Variants in RASSF6 observed in about 807,000 individuals in gnomAD.
The protein encoded by RASSF6 is ras association domain-containing protein 6.
Under a neutral mutation model 44.0 loss-of-function variants are expected in RASSF6, and 52 were observed. The observed-to-expected ratio is 1.18, with a 90% confidence interval of 0.95 to 1.49. The LOEUF is 1.49. Ranked by LOEUF, RASSF6 falls within the 40% of genes most tolerant of loss-of-function variation. The pLI, the probability that RASSF6 is intolerant of heterozygous loss-of-function variation, is 0.00. For missense variants in RASSF6, 464 were observed against 393.3 expected (o/e 1.18, Z -1.52); for synonymous variants, 162 against 124.6 (o/e 1.30, Z -2.00).
Position 73,615,812 on chromosome 4 carries a change from G to T in RASSF6, c.-34-3983C>A, listed in dbSNP as rs1338455183. ...GAGGAGGCAGTGTTGGGCAGCATTA[G>T]CGTTCCAGCAATGCTGGAACGTGGT... On this transcript the variant is annotated intron_variant, in intron 1 of 10. Transcript: ENST00000307439. The T allele has an allele frequency of 3.4e-6, 4 of 1,162,502 alleles. No individual in the cohort carries two copies. The East Asian group carries it at 7.7e-5, about 22-fold the overall frequency. The allele number at this position is 1,162,502 out of a possible 1,614,324, so 72.0% of individuals were successfully genotyped here.
At position 73,587,940 on chromosome 4, in the gene RASSF6, A is replaced by T. The variant is rs371276898; in HGVS notation, c.288-6T>A. 1.0e-5 allele frequency: 16 copies of T among 1,579,430 alleles called. No individual in the cohort carries two copies. The highest frequency in any genetic ancestry group is 1.4e-5 in the Non-Finnish European group (16 of 1,150,682). On this transcript the variant is annotated splice_region_variant and splice_polypyrimidine_tract_variant and intron_variant, in intron 4 of 10. Transcript: ENST00000307439. Reference sequence around the variant, plus strand: ...ATTCCCCCCAGCGTGTCATTCTGAGAAGTAATAAATCTTGTAAGTACATCA... The same window carrying T: ...ATTCCCCCCAGCGTGTCATTCTGAGTAGTAATAAATCTTGTAAGTACATCA...
At chr4:73,607,890 C>A (rs1307864409) in intron 2 of RASSF6, among the ~76,000 whole-genome samples, 64 of 125,992 alleles carry the variant, frequency 5.1e-4, no homozygotes, top group African/African-American at 1.9e-3. Flanking sequence ...TCTCCTCCAA[C>A]CCCTCCCCTC....
At chr4:73,588,874 G>A (rs1348372187) in intron 4 of RASSF6, among the ~76,000 whole-genome samples, 1 of 151,724 alleles carries the variant, frequency 6.6e-6, no homozygotes, top group African/African-American at 2.4e-5. Flanking sequence ...AGGGACCCAA[G>A]GTGTTCCTGG....
intron 8 of RASSF6, among the ~76,000 whole-genome samples, chr4:73,579,259 T>A (rs1242538464): frequency 1.3e-5 from 2 of 152,194 alleles, no homozygotes; most frequent in Admixed American, 1.3e-4. Flanking sequence ...TACACATAAA[T>A]CTGTAGGCAC....
chr4:73,592,287 C>T (rs970132370), intron 4 of RASSF6, among the ~76,000 whole-genome samples: 1 of 152,032 alleles, frequency 6.6e-6, no homozygotes, highest in Non-Finnish European at 1.5e-5. Flanking sequence ...ATTAATTTTC[C>T]CTAGTTGTGG....
intron 4 of RASSF6, among the ~76,000 whole-genome samples, chr4:73,590,802 T>A (rs929912597): frequency 7.9e-5 from 12 of 152,250 alleles, no homozygotes; most frequent in Non-Finnish European, 1.6e-4. Flanking sequence ...ACAGTTAATC[T>A]TGTTACTGGA....
At chr4:73,620,454 G>C (rs1287782820), upstream of RASSF6, 1 of 1,547,378 alleles carries the variant, frequency 6.5e-7, no homozygotes, top group Non-Finnish European at 8.7e-7. Context: ...GGGGAGGTCC[G>C]AGGCCCGCGC....
upstream of RASSF6, chr4:73,620,546 T>C: frequency 2.9e-6 from 4 of 1,376,100 alleles, no homozygotes; most frequent in Non-Finnish European, 3.9e-6. Context: ...TCAGCGATCC[T>C]GGAGCCCCAG....
At chr4:73,593,160 C>T (rs1724688956) in intron 4 of RASSF6, among the ~76,000 whole-genome samples, 1 of 151,888 alleles carries the variant, frequency 6.6e-6, no homozygotes, top group Non-Finnish European at 1.5e-5. Flanking sequence ...GGATTACAGG[C>T]GGCTGCCACC....
chr4:73,611,812 A>G lies in RASSF6; in HGVS notation c.-17T>C, dbSNP rs72863093. On this transcript the variant is annotated 5_prime_UTR_variant, in exon 2 of 11. Transcript: ENST00000307439. Reference sequence around the variant, plus strand: ...CATAGTCATCTTTTCCTCCTTTTTGAGATGGTCTGAGGATATCCTAAACAT... The same window carrying G: ...CATAGTCATCTTTTCCTCCTTTTTGGGATGGTCTGAGGATATCCTAAACAT... 10,070 of 1,605,020 alleles carry G rather than the reference A, an allele frequency of 6.3e-3. 194 individuals are homozygous for G. Among genetic ancestry groups the G allele is most frequent in the South Asian group, 0.043 (3,935 of 90,792 alleles).
chr4:73,614,045 C>CT (rs1304435532), intron 1 of RASSF6, among the ~76,000 whole-genome samples: 2 of 152,344 alleles, frequency 1.3e-5, no homozygotes, highest in East Asian at 3.9e-4. Flanking sequence ...CTCCCATGCT[C>CT]TAAAATTTCC....
chr4:73,618,685 C>T (rs1184550597), intron 1 of RASSF6, among the ~76,000 whole-genome samples: 2 of 152,102 alleles, frequency 1.3e-5, no homozygotes, highest in African/African-American at 2.4e-5. Flanking sequence ...ATTCTATCCA[C>T]AATTCTCCAG....
intron 4 of RASSF6, among the ~76,000 whole-genome samples, chr4:73,588,256 A>T (rs189998153): frequency 6.6e-6 from 1 of 152,108 alleles, no homozygotes; most frequent in Admixed American, 6.6e-5. Flanking sequence ...ATCAATTGTT[A>T]TAAAGATATT....
chr4:73,587,839 C>T lies in RASSF6; in HGVS notation c.382+1G>A, dbSNP rs771739576. On this transcript the variant is annotated splice_donor_variant, in intron 5 of 10. Transcript: ENST00000307439. LOFTEE classifies it high-confidence loss of function. ...CCAATCAATAAGATTTTGATACTGA[C>T]CTTCCTGGGAATTCCTTTTTTCAGA... 6.3e-7 allele frequency: 1 copy of T among 1,593,844 alleles called. No homozygotes were observed. The highest frequency in any genetic ancestry group is 1.1e-5 in the South Asian group (1 of 90,304).
intron 1 of RASSF6, among the ~76,000 whole-genome samples, chr4:73,613,482 C>G (rs907278933): frequency 6.6e-6 from 1 of 152,108 alleles, no homozygotes; most frequent in Non-Finnish European, 1.5e-5. Flanking sequence ...TAATAACCCA[C>G]CAAAAGGGTT....
intron 2 of RASSF6, among the ~76,000 whole-genome samples, chr4:73,605,412 A>G (rs954121303): frequency 2.6e-5 from 4 of 152,186 alleles, no homozygotes; most frequent in East Asian, 3.8e-4. Context: ...AACCCATTTT[A>G]TCCTTTATTC....
intron 3 of RASSF6, among the ~76,000 whole-genome samples, chr4:73,593,865 T>C (rs1724749378): frequency 6.6e-6 from 1 of 152,252 alleles, no homozygotes; most frequent in Non-Finnish European, 1.5e-5. Context: ...AAATGCTTTC[T>C]GAACTCTGAT....
At chr4:73,587,819 C>G in intron 5 of RASSF6, 21 bp downstream of exon 5, 1 of 1,505,602 alleles carries the variant, frequency 6.6e-7, no homozygotes, top group Non-Finnish European at 9.2e-7. Flanking sequence ...GTCTCCCAAT[C>G]AATAAGATTT....
chr4:73,614,605 T>A (rs1196803462), intron 1 of RASSF6, among the ~76,000 whole-genome samples: 1 of 152,204 alleles, frequency 6.6e-6, no homozygotes, highest in Admixed American at 6.5e-5. Context: ...GAAAAATCAT[T>A]GCAGTAGCTT....
Sources: allele counts gnomAD v4.1 joint callset (sites outside exome capture counted in the v4.1 genomes callset), GRCh38; gene constraint gnomAD v4.1.1; transcripts MANE v1.5; gene names NCBI Gene and HGNC (gene_info 2026-07-23, HGNC 2026-07-21).